EVPL: variants seen among roughly 807,000 people sequenced by gnomAD.
EVPL encodes the protein 210 kDa cornified envelope precursor protein.
Under a neutral mutation model 129.7 loss-of-function variants are expected in EVPL, and 94 were observed. The observed-to-expected ratio is 0.72, with a 90% CI of 0.61 to 0.86. EVPL has a LOEUF of 0.86. Ranked by LOEUF, EVPL falls within the 40% of genes least tolerant of loss-of-function variation. The probability of loss-of-function intolerance (pLI) is 0.00; values close to 1 mark genes in which losing one functional copy is unlikely to be tolerated. For missense variants in EVPL, 2,625 were observed against 2,721.1 expected (o/e 0.96, Z 0.79); for synonymous variants, 1,172 against 1,191.1 (o/e 0.98, Z 0.33).
rs369166155 is a variant in EVPL at position 76,008,281 on chromosome 17, C to G, written c.4924G>C (p.Glu1642Gln). The G allele has an allele frequency of 4.5e-5, 73 of 1,611,652 alleles. No individual in the cohort carries two copies. Among genetic ancestry groups the G allele is most frequent in the Non-Finnish European group, 5.4e-5 (64 of 1,179,962 alleles). ...AQRGQELSRL[E>Q]AAILREKDQI... is the part of the protein sequence containing the mutation. ...TCCTTCTCGCGGAGGATGGCCGCCT[C>G]CAGCCGCGAGAGCTCCTGGCCCCGC... Residue 1642 changes from glutamate (E) to glutamine (Q), a missense_variant, in exon 22 of 22, where the codon GAG (glutamate) becomes CAG (glutamine). This residue lies in a region of EVPL where 1,453 missense variants were observed against 1,511.8 expected (regional missense o/e 0.96). Transcript: ENST00000301607. This position sits in a 1 kb window ranked among gnomAD's most constrained non-coding sequence, Gnocchi z 7.4.
rs146995213 is a variant in EVPL, at chr17:76,008,105, G to T, written c.5100C>A (p.Tyr1700Ter). The change falls in exon 22 of 22, where the codon TAC becomes TAA. Residue 1700 changes from tyrosine (Y) to a stop codon, truncating the protein, a stop_gained. Coordinates refer to ENST00000301607, the MANE Select transcript of EVPL (RefSeq NM_001988.4). LOFTEE classifies it high-confidence loss of function. This position sits in a 1 kb window ranked among gnomAD's most constrained non-coding sequence, Gnocchi z 7.4. ...CGATGATGCCCCTCTTGTAGGCCTC[G>T]TATGGGGACATGTCCTTCCCCGTCT... ...EPETGKDMSP[Y>*]EAYKRGIIDR... 1 of 1,614,114 alleles carries T rather than the reference G, an allele frequency of 6.2e-7. No homozygotes were observed.
intron 9 of EVPL, 52 bp downstream of exon 9, chr17:76,021,407 TGCTCCCGCC>T (rs1278786507): frequency 1.4e-6 from 2 of 1,457,260 alleles, no homozygotes; most frequent in East Asian, 2.4e-5. Flanking sequence ...AGGGGTGCTG[TGCTCCCGCC>T]CCTGCCGCCC....
chr17:76,021,972 G>A lies in EVPL; in HGVS notation c.702C>T (p.Gly234=). ...SLGSLYTHLQ[G]CTRQLSALAE... Reference sequence around the variant, plus strand: ...CCAGGGCGCTCAGCTGCCGCGTGCAGCCCTGGAGGTGCGTGTACAGGCTGC... The same window carrying A: ...CCAGGGCGCTCAGCTGCCGCGTGCAACCCTGGAGGTGCGTGTACAGGCTGC... The change falls in exon 7 of 22, where the codon GGC becomes GGT. Residue 234 remains glycine, a synonymous_variant. Coordinates refer to ENST00000301607, the MANE Select transcript of EVPL (RefSeq NM_001988.4). 1.9e-6 allele frequency: 3 copies of A among 1,563,788 alleles called. No homozygotes were observed. The highest frequency in any genetic ancestry group is 2.6e-6 in the Non-Finnish European group (3 of 1,162,350).
Position 76,021,284 on chromosome 17 carries a change from G to A in EVPL, c.1011+184C>T, listed in dbSNP as rs190579886. ...TTGGCCAGGCTGATCTCGAACTCCT[G>A]ACCTCAAGTGATCCACCAGCCTCGG... On this transcript the variant is annotated intron_variant, in intron 9 of 21. Transcript: ENST00000301607. 1.8e-3 allele frequency among the ~76,000 whole-genome samples: 273 copies of A among 152,216 alleles called. 2 individuals are homozygous for A. Among genetic ancestry groups the A allele is most frequent in the African/African-American group, 6.0e-3 (249 of 41,530 alleles).
intron 16 of EVPL, 38 bp downstream of exon 16, chr17:76,015,189 G>C (rs2066409452): frequency 6.4e-7 from 1 of 1,563,690 alleles, no homozygotes; most frequent in Non-Finnish European, 8.7e-7. Context: ...TGAATGCTGG[G>C]TTCCCCTGAC....
Position 76,008,736 on chromosome 17 carries a change from G to A in EVPL, c.4469C>T (p.Thr1490Ile), listed in dbSNP as rs144924893. Reference sequence around the variant, plus strand: ...CTCCCGATTCAGCTCGGTTACCTGGGTCTTCTCCTGGTCCAGGTCCCACCG... The same window carrying A: ...CTCCCGATTCAGCTCGGTTACCTGGATCTTCTCCTGGTCCAGGTCCCACCG... Reference protein sequence around the residue: ...ALRWDLDQEKTQVTELNRECK... With the variant: ...ALRWDLDQEKIQVTELNRECK... Residue 1490 changes from threonine to isoleucine, a missense_variant, in exon 22 of 22, where the codon ACC (threonine) becomes ATC (isoleucine). This residue lies in a region of EVPL where 1,453 missense variants were observed against 1,511.8 expected (regional missense o/e 0.96). Coordinates refer to ENST00000301607, the MANE Select transcript of EVPL (RefSeq NM_001988.4). The surrounding 1 kb of genome is among the most constrained non-coding windows in gnomAD (Gnocchi z 7.4). 6.6e-4 allele frequency: 1,071 copies of A among 1,614,034 alleles called. 1 individual carries two copies. The highest frequency in any genetic ancestry group is 8.2e-4 in the Middle Eastern group (5 of 6,062).
Position 76,008,617 on chromosome 17 carries a change from G to C in EVPL, c.4588C>G (p.Arg1530Gly), listed in dbSNP as rs769481718. Residue 1530 changes from arginine to glycine, a missense_variant, in exon 22 of 22, where the codon CGC becomes GGC. Arg to Gly is a moderately radical substitution (Grantham distance 125, BLOSUM62 -2). Coordinates refer to ENST00000301607, the MANE Select transcript of EVPL (RefSeq NM_001988.4). The surrounding 1 kb of genome is among the most constrained non-coding windows in gnomAD (Gnocchi z 7.4). ...CGGGCCCGCTCATCTTCCAGGACGC[G>C]GTCCTTCTGCACCCGGATCACTTCC... The part of the protein sequence containing the change: ...YKEVIRVQKD[R>G]VLEDERARVW... The C allele has an allele frequency of 6.2e-7, 1 of 1,612,134 alleles. No homozygotes were observed. The highest frequency in any genetic ancestry group is 1.1e-5 in the South Asian group (1 of 91,080).
At position 76,007,567 on chromosome 17, in the gene EVPL, G is replaced by A. The variant is rs2066329275; in HGVS notation, c.5638C>T (p.His1880Tyr). ...DLLSRERYSV[H>Y]KAMERGLIEN... ...ATCAGGCCCCTCTCCATCGCCTTGT[G>A]CACAGAGTAGCGCTCACGGCTGAGC... Residue 1880 changes from histidine (H) to tyrosine (Y), a missense_variant, in exon 22 of 22, where the codon CAC becomes TAC. This residue lies in a region of EVPL where 1,453 missense variants were observed against 1,511.8 expected (regional missense o/e 0.96). Coordinates refer to ENST00000301607, the MANE Select transcript of EVPL (RefSeq NM_001988.4). This position sits in a 1 kb window ranked among gnomAD's most constrained non-coding sequence, Gnocchi z 8.8. 1 of 1,614,034 alleles carries A rather than the reference G, an allele frequency of 6.2e-7. No homozygotes were observed. Among genetic ancestry groups the A allele is most frequent in the South Asian group, 1.1e-5 (1 of 91,084 alleles).
intron 13 of EVPL, 92 bp from the exon 14 acceptor site, chr17:76,018,003 G>T: frequency 6.4e-7 from 1 of 1,573,290 alleles, no homozygotes; most frequent in Admixed American, 1.8e-5. Flanking sequence ...GTCCTGTCGG[G>T]GTAGGGTGGA....
In EVPL at chr17:76,011,798, G is replaced by A. The variant is rs1442661920; in HGVS notation, c.2542C>T (p.Pro848Ser). 2 of 1,612,328 alleles carry A rather than the reference G, an allele frequency of 1.2e-6. No individual in the cohort carries two copies. Among genetic ancestry groups the A allele is most frequent in the Non-Finnish European group, 1.7e-6 (2 of 1,179,350 alleles). Residue 848 changes from proline to serine, a missense_variant, in exon 20 of 22, where the codon CCC becomes TCC. Physicochemically the swap from Pro to Ser is moderately conservative, Grantham distance 74. Transcript: ENST00000301607. ...VSAPKRPRVA[P>S]LQESIQAQEK... ...TGGGCTTGGATGCTCTCTTGCAGGG[G>A]AGCCACTCGGGGTCTCTTGGGGGCT... is the stretch of plus-strand genomic sequence containing the variant.
intron 1 of EVPL, among the ~76,000 whole-genome samples, chr17:76,025,241 A>G (rs996721881): frequency 2.6e-5 from 4 of 152,240 alleles, no homozygotes; most frequent in African/African-American, 9.6e-5. Context: ...CGTCCAGTGC[A>G]GGCCTGGTGC....
intron 1 of EVPL, among the ~76,000 whole-genome samples, chr17:76,026,489 A>C (rs537217733): frequency 4.6e-5 from 7 of 152,314 alleles, no homozygotes; most frequent in Non-Finnish European, 1.5e-5. Flanking sequence ...TTCGGGGATT[A>C]TAGGCGTGAG....
Position 76,014,503 on chromosome 17 carries a change from G to C in EVPL, c.2296C>G (p.Leu766Val). ...KNCKDNLSSWLEHLPRSQVRP... is the reference protein window; with the variant it reads ...KNCKDNLSSWVEHLPRSQVRP... ...ACCTGGCTGCGGGGCAGGTGCTCCAGCCAGGAGCTCAGGTTATCCTTGCAG... is the reference window on the plus strand; with the variant it reads ...ACCTGGCTGCGGGGCAGGTGCTCCACCCAGGAGCTCAGGTTATCCTTGCAG... Residue 766 changes from leucine (L) to valine (V), a missense_variant, in exon 18 of 22, where the codon CTG becomes GTG. This residue lies in a region of EVPL where 1,024 missense variants were observed against 997.5 expected (regional missense o/e 1.03). Coordinates refer to ENST00000301607, the MANE Select transcript of EVPL (RefSeq NM_001988.4). The C allele has an allele frequency of 6.2e-7, 1 of 1,612,056 alleles. No individual in the cohort carries two copies. Among genetic ancestry groups the C allele is most frequent in the Non-Finnish European group, 8.5e-7 (1 of 1,179,548 alleles).
Position 76,007,979 on chromosome 17 carries a change from C to G in EVPL, c.5226G>C (p.Lys1742Asn), listed in dbSNP as rs745368257. ...CGEESVLLDR[K>N]SGKQYSIEAA... is the part of the protein sequence containing the mutation. Reference sequence around the variant, plus strand: ...CCTCGATGGAGTACTGCTTCCCGCTCTTGCGGTCCAGGAGCACAGACTCCT... The same window carrying G: ...CCTCGATGGAGTACTGCTTCCCGCTGTTGCGGTCCAGGAGCACAGACTCCT... Residue 1742 changes from lysine to asparagine, a missense_variant, in exon 22 of 22, where the codon AAG becomes AAC. Around this residue, in one of 4 missense-constraint regions of EVPL, gnomAD observed 1,453 missense variants for 1,511.8 expected, o/e 0.96. Transcript: ENST00000301607. This position sits in a 1 kb window ranked among gnomAD's most constrained non-coding sequence, Gnocchi z 8.8. 8 of 1,614,014 alleles carry G rather than the reference C, an allele frequency of 5.0e-6. No individual in the cohort carries two copies. The highest frequency in any genetic ancestry group is 6.8e-6 in the Non-Finnish European group (8 of 1,180,042).
At chr17:76,012,869 C>T (rs369123289) in intron 18 of EVPL, among the ~76,000 whole-genome samples, 11 of 151,400 alleles carry the variant, frequency 7.3e-5, no homozygotes, top group African/African-American at 2.7e-4. Context: ...CTCAGCCTCT[C>T]GAGTAGCCGG....
Position 76,018,554 on chromosome 17 carries a change from T to A in EVPL, c.1331A>T (p.Asp444Val). 1 of 1,611,940 alleles carries A rather than the reference T, an allele frequency of 6.2e-7. No homozygotes were observed. Among genetic ancestry groups the A allele is most frequent in the South Asian group, 1.1e-5 (1 of 90,952 alleles). The change falls in exon 12 of 22, where the codon GAC becomes GTC. Residue 444 changes from aspartate to valine, a missense_variant. This residue lies in a region of EVPL where 1,024 missense variants were observed against 997.5 expected (regional missense o/e 1.03). Transcript: ENST00000301607. ...GCCCTGCACGACCCAGGCGTGCGGG[T>A]CAGTGTTATCTACCAGCTTATACCG... Reference protein sequence around the residue: ...GERYKLVDNTDPHAWVVQGPG... With the variant: ...GERYKLVDNTVPHAWVVQGPG...
At chr17:76,019,163 G>T in intron 10 of EVPL, 103 bp from the exon 11 acceptor site, 1 of 1,272,524 alleles carries the variant, frequency 7.9e-7, no homozygotes, top group Non-Finnish European at 1.0e-6. Context: ...CTTCATGAAG[G>T]CAGGGGTCTC....
At position 76,023,589 on chromosome 17, in the gene EVPL, C is replaced by T. The variant is rs746767139; in HGVS notation, c.264G>A (p.Lys88=). The T allele has an allele frequency of 6.2e-7, 1 of 1,612,022 alleles. No individual in the cohort carries two copies. Among genetic ancestry groups the T allele is most frequent in the Non-Finnish European group, 8.5e-7 (1 of 1,179,630 alleles). Residue 88 remains lysine (K), a synonymous_variant, in exon 3 of 22, where the codon AAG becomes AAA. Coordinates refer to ENST00000301607, the MANE Select transcript of EVPL (RefSeq NM_001988.4). ...QHQQETGRSL[K]EAEVLLKDLF... ...GGTCCTTGAGCAGCACCTCAGCCTC[C>T]TTCAGGCTGCGGCCCGTCTCCTGCT...
In EVPL at chr17:76,015,062, T is replaced by C; in HGVS notation, c.2076A>G (p.Leu692=). The change falls in exon 17 of 22, where the codon CTA becomes CTG. Residue 692 remains leucine, a synonymous_variant. Transcript: ENST00000301607. ...GCTCCGAGGCCTTCAGCGCGCGGTGTAGCCGCAGCACGCAGGTCTGCTGTT... is the reference window on the plus strand; with the variant it reads ...GCTCCGAGGCCTTCAGCGCGCGGTGCAGCCGCAGCACGCAGGTCTGCTGTT... ...LLEQQTCVLR[L]HRALKASEHA... 2 of 1,584,608 alleles carry C rather than the reference T, an allele frequency of 1.3e-6. No individual in the cohort carries two copies. The highest frequency in any genetic ancestry group is 8.6e-7 in the Non-Finnish European group (1 of 1,168,530).
Sources: gnomAD v4.1 joint callset for allele counts (sites outside exome capture counted in the v4.1 genomes callset) on GRCh38, gnomAD v4.1.1 for gene constraint, gnomAD v4.1.1 regional missense constraint, Gnocchi (gnomAD v3.1) non-coding constraint, MANE v1.5 for transcripts, NCBI Gene and HGNC (gene_info 2026-07-23, HGNC 2026-07-21) for gene names.